VKORC1L1: variants seen among roughly 807,000 people sequenced by gnomAD.
VKORC1L1 encodes the protein vitamin K epoxide reductase complex subunit 1L1.
In VKORC1L1, 2 loss-of-function variants were observed where a neutral mutation model predicts 18.9. The observed-to-expected ratio is 0.11, with a 90% CI of 0.04 to 0.33. VKORC1L1 has a LOEUF of 0.33. Among genes scored for constraint, VKORC1L1 ranks in the 10% least tolerant of loss-of-function variants. VKORC1L1 has a pLI of 1.00. For synonymous variants in VKORC1L1, 96 were observed against 100.0 expected (o/e 0.96, Z 0.24); for missense variants, 123 against 224.1 (o/e 0.55, Z 2.88).
chr7:65,934,024 C>T (rs983683909), intron 1 of VKORC1L1, among the ~76,000 whole-genome samples: 1 of 152,116 alleles, frequency 6.6e-6, no homozygotes, highest in Admixed American at 6.6e-5. Context: ...CACAATGTTA[C>T]ATTTGCTTCC....
At chr7:65,914,164 C>T (rs977461963) in intron 1 of VKORC1L1, among the ~76,000 whole-genome samples, 1 of 152,176 alleles carries the variant, frequency 6.6e-6, no homozygotes, top group Non-Finnish European at 1.5e-5. Flanking sequence ...GTCACCCAGA[C>T]TGGAGTGCAG....
At chr7:65,927,214 A>G (rs1789780200) in intron 1 of VKORC1L1, among the ~76,000 whole-genome samples, 1 of 151,988 alleles carries the variant, frequency 6.6e-6, no homozygotes, top group Non-Finnish European at 1.5e-5. Flanking sequence ...TTGAACCTGG[A>G]AGACAAAGGT....
At chr7:65,867,048 G>T in the VKORC1L1 span, among the ~76,000 whole-genome samples, 3 of 152,054 alleles carry the variant, frequency 2.0e-5, no homozygotes, top group African/African-American at 7.2e-5. Context: ...TTAGCTGGGC[G>T]TGGTGGCATG....
At chr7:65,876,915 G>C (rs1375172570) in intron 1 of VKORC1L1, among the ~76,000 whole-genome samples, 1 of 152,102 alleles carries the variant, frequency 6.6e-6, no homozygotes, top group Non-Finnish European at 1.5e-5. Flanking sequence ...GCATGGTGGC[G>C]CATGCCTGTA....
At position 65,953,158 on chromosome 7, in the gene VKORC1L1, C is replaced by T. The variant is rs183204242; in HGVS notation, c.305-916C>T. 2.0e-5 allele frequency among the ~76,000 whole-genome samples: 3 copies of T among 152,242 alleles called. No homozygotes were observed. In the East Asian group the frequency reaches 5.8e-4, roughly 29 times the overall value. ...ACACATGTCCACCATTTTTCTTGAT[C>T]AGGTTTGACCCACATGCAGCCAACG... On this transcript the variant is annotated intron_variant, in intron 2 of 2. Coordinates refer to ENST00000360768, the MANE Select transcript of VKORC1L1 (RefSeq NM_173517.6).
At chr7:65,953,090 C>T (rs1004785588) in intron 2 of VKORC1L1, among the ~76,000 whole-genome samples, 1 of 151,922 alleles carries the variant, frequency 6.6e-6, no homozygotes. Context: ...AGCCACTGTG[C>T]GTGGCTTCAG....
At chr7:65,934,639 C>T (rs745692964) in intron 1 of VKORC1L1, among the ~76,000 whole-genome samples, 5 of 152,190 alleles carry the variant, frequency 3.3e-5, no homozygotes, top group Non-Finnish European at 7.3e-5. Context: ...TATTTGCTTT[C>T]TGTGCCAGGC....
At chr7:65,883,561 G>C (rs773529988) in intron 1 of VKORC1L1, among the ~76,000 whole-genome samples, 1 of 151,960 alleles carries the variant, frequency 6.6e-6, no homozygotes, top group Non-Finnish European at 1.5e-5. Context: ...GTGCAGTGGC[G>C]GGTTCTCGGC....
intron 1 of VKORC1L1, among the ~76,000 whole-genome samples, chr7:65,912,977 C>T (rs1789524822): frequency 6.6e-6 from 1 of 152,116 alleles, no homozygotes; most frequent in South Asian, 2.1e-4. Context: ...CTGAGTAGCA[C>T]TGTGGTAGTT....
chr7:65,936,181 C>G (rs1284778695), intron 1 of VKORC1L1, among the ~76,000 whole-genome samples: 1 of 151,528 alleles, frequency 6.6e-6, no homozygotes, highest in Admixed American at 6.6e-5. Context: ...GAACTTCCAT[C>G]TTCCCAGTCA....
At chr7:65,923,734 T>C (rs940421182) in intron 1 of VKORC1L1, among the ~76,000 whole-genome samples, 2 of 152,156 alleles carry the variant, frequency 1.3e-5, no homozygotes, top group African/African-American at 2.4e-5. Context: ...AGAGAATTCA[T>C]ATTGTCAGGG....
chr7:65,935,166 A>G (rs991262011), intron 1 of VKORC1L1, among the ~76,000 whole-genome samples: 1 of 151,738 alleles, frequency 6.6e-6, no homozygotes, highest in Non-Finnish European at 1.5e-5. Context: ...AGCATTTCTC[A>G]TAGTGCCAGT....
intron 1 of VKORC1L1, among the ~76,000 whole-genome samples, chr7:65,914,540 T>A (rs908993362): frequency 6.6e-6 from 1 of 152,354 alleles, no homozygotes; most frequent in Middle Eastern, 3.4e-3. Flanking sequence ...CCAGCACTGC[T>A]TTTTAATGGC....
At chr7:65,884,860 T>G (rs944973707) in intron 1 of VKORC1L1, among the ~76,000 whole-genome samples, 5 of 152,202 alleles carry the variant, frequency 3.3e-5, no homozygotes, top group Admixed American at 2.6e-4. Flanking sequence ...ATTTTTTAAT[T>G]TATAATCACC....
chr7:65,894,460 T>G (rs934112451), intron 1 of VKORC1L1, among the ~76,000 whole-genome samples: 2 of 152,094 alleles, frequency 1.3e-5, no homozygotes, highest in African/African-American at 4.8e-5. Flanking sequence ...AGAAATAAAT[T>G]GGGGCCGGGC....
At chr7:65,898,479 C>CAGTATGTGT (rs1308701408) in intron 1 of VKORC1L1, among the ~76,000 whole-genome samples, 1 of 152,012 alleles carries the variant, frequency 6.6e-6, no homozygotes, top group Non-Finnish European at 1.5e-5. Flanking sequence ...AGTGCATGAA[C>CAGTATGTGT]AGTATGTGTA....
chr7:65,917,611 A>G (rs926530556), intron 1 of VKORC1L1, among the ~76,000 whole-genome samples: 2 of 152,114 alleles, frequency 1.3e-5, no homozygotes, highest in Non-Finnish European at 2.9e-5. Context: ...ACTTTAAAGA[A>G]TTTTCTAGAG....
intron 1 of VKORC1L1, among the ~76,000 whole-genome samples, chr7:65,947,446 A>ATTTTTTTTTTTTTTT (rs1790140116): frequency 6.7e-6 from 1 of 148,376 alleles, no homozygotes; most frequent in Non-Finnish European, 1.5e-5. Flanking sequence ...TTTAAGAAGC[A>ATTTTTTTTTTTTTTT]CTCTCGTTCA....
intron 1 of VKORC1L1, among the ~76,000 whole-genome samples, chr7:65,918,962 G>T (rs1266030754): frequency 1.3e-5 from 2 of 152,152 alleles, no homozygotes; most frequent in African/African-American, 4.8e-5. Context: ...AGGTGTGATG[G>T]TACGTGATTG....
Sources: gnomAD v4.1 joint callset for allele counts (sites outside exome capture counted in the v4.1 genomes callset) on GRCh38, gnomAD v4.1.1 for gene constraint, MANE v1.5 for transcripts, NCBI Gene and HGNC (gene_info 2026-07-23, HGNC 2026-07-21) for gene names.